The following PLD5 variants were observed in gnomAD, a reference collection of about 807,000 sequenced individuals.
PLD5 encodes phospholipase D family member 5.
Under a neutral mutation model 61.1 loss-of-function variants are expected in PLD5, and 36 were observed. The observed-to-expected ratio is 0.59, with a 90% CI of 0.45 to 0.78. The LOEUF (loss-of-function observed/expected upper bound fraction) is 0.78. Among genes scored for constraint, PLD5 ranks in the 30% least tolerant of loss-of-function variants. The probability of loss-of-function intolerance (pLI) is 0.00; values close to 1 mark genes in which losing one functional copy is unlikely to be tolerated. For missense variants in PLD5, 515 were observed against 644.4 expected, an observed-to-expected ratio of 0.80 and a Z score of 2.17; for synonymous variants, 243 against 242.8, an observed-to-expected ratio of 1.00 and a Z score of -0.01.
At chr1:242,225,392 G>A (rs779900611) in intron 4 of PLD5, among the ~76,000 whole-genome samples, 27 of 151,318 alleles carry the variant, frequency 1.8e-4, no homozygotes, top group Non-Finnish European at 3.2e-4. Flanking sequence ...CACACATAAC[G>A]CACGTGAGAC....
At position 242,315,605 on chromosome 1, in the gene PLD5, A is replaced by C. The variant is rs556796365; in HGVS notation, c.327-27075T>G. On this transcript the variant is annotated intron_variant, in intron 2 of 9. Transcript: ENST00000536534. ...AGTTCCAGTGGGTATTGAGATCCTC[A>C]AGTCCTCAACGGCAGTTGCCTTGAC... Among the ~76,000 whole-genome samples, 4 of 152,312 alleles carry C rather than the reference A, an allele frequency of 2.6e-5. No homozygotes were observed. The East Asian group carries it at 7.7e-4, about 29-fold the overall frequency.
chr1:242,248,834 C>T (rs316899), intron 4 of PLD5, among the ~76,000 whole-genome samples: 23,527 of 152,150 alleles, frequency 0.15, 2,293 homozygotes, highest in Non-Finnish European at 0.23. Flanking sequence ...AAGATGTTCC[C>T]TCCAAAATTC....
chr1:242,351,787 T>C (rs1180851257), intron 1 of PLD5, among the ~76,000 whole-genome samples: 1 of 152,246 alleles, frequency 6.6e-6, no homozygotes, highest in Non-Finnish European at 1.5e-5. Flanking sequence ...TTGGTGATTA[T>C]AAATTTTGTA....
intron 5 of PLD5, among the ~76,000 whole-genome samples, chr1:242,180,148 C>T (rs1412614800): frequency 6.6e-6 from 1 of 152,124 alleles, no homozygotes; most frequent in Admixed American, 6.6e-5. Context: ...CTGGCTGTGT[C>T]ACCGACCAGA....
chr1:242,173,747 A>G (rs1198734402), intron 5 of PLD5, among the ~76,000 whole-genome samples: 1 of 152,166 alleles, frequency 6.6e-6, no homozygotes, highest in Non-Finnish European at 1.5e-5. Context: ...AATACCACAC[A>G]TCTACAACCA....
chr1:242,231,938 G>GA (rs1228667295), intron 4 of PLD5, among the ~76,000 whole-genome samples: 8 of 128,146 alleles, frequency 6.2e-5, no homozygotes, highest in African/African-American at 2.7e-4. Flanking sequence ...TTTAAAATAA[G>GA]GAAAAAAAAA....
chr1:242,450,825 C>T lies in PLD5; in HGVS notation c.189+73263G>A, dbSNP rs117851174. ...CAATATGGCAGGCAAATTAGGTGCC[C>T]ACATGAGAGACATCTGGCCAAGATG... On this transcript the variant is annotated intron_variant, in intron 1 of 9. Transcript: ENST00000536534. Among the ~76,000 whole-genome samples, 153 of 152,220 alleles carry T rather than the reference C, an allele frequency of 1.0e-3. 1 individual carries two copies. In the East Asian group the frequency reaches 0.026, roughly 26 times the overall value.
chr1:242,528,696 C>T (rs148597578), upstream of PLD5, among the ~76,000 whole-genome samples: 5 of 152,218 alleles, frequency 3.3e-5, no homozygotes, highest in South Asian at 2.1e-4. Flanking sequence ...TTCCATCTTT[C>T]GAAAGGAGGA....
intron 4 of PLD5, among the ~76,000 whole-genome samples, chr1:242,247,032 G>C (rs1221397154): frequency 6.7e-6 from 1 of 150,154 alleles, no homozygotes; most frequent in Non-Finnish European, 1.5e-5. Context: ...CGCCCAGGCT[G>C]GAGTGCAGTG....
At chr1:242,350,548 C>T (rs76392283) in intron 1 of PLD5, among the ~76,000 whole-genome samples, 5,725 of 152,158 alleles carry the variant, frequency 0.038, 261 homozygotes, top group African/African-American at 0.1. Flanking sequence ...TCACCAAAGC[C>T]ACATGATTTC....
chr1:242,371,240 C>T (rs1353374097), intron 1 of PLD5, among the ~76,000 whole-genome samples: 1 of 152,098 alleles, frequency 6.6e-6, no homozygotes, highest in African/African-American at 2.4e-5. Flanking sequence ...TAAGAGTGCA[C>T]TGAGAGAGGC....
At chr1:242,265,606 AAG>A (rs1342679501) in intron 3 of PLD5, among the ~76,000 whole-genome samples, 158 bp from the exon 4 acceptor site, 2 of 152,194 alleles carry the variant, frequency 1.3e-5, no homozygotes, top group African/African-American at 4.8e-5. Flanking sequence ...ATTCTTTCAA[AAG>A]AGTTTATATC....
chr1:242,349,301 A>G (rs568906709), intron 1 of PLD5, among the ~76,000 whole-genome samples: 47 of 152,298 alleles, frequency 3.1e-4, no homozygotes, highest in African/African-American at 1.1e-3. Context: ...CAGAGAGAAT[A>G]GATTGTAAAT....
chr1:242,402,707 C>T (rs967981893), intron 1 of PLD5, among the ~76,000 whole-genome samples: 14 of 152,176 alleles, frequency 9.2e-5, no homozygotes, highest in African/African-American at 2.4e-4. Flanking sequence ...TGTCCAAATG[C>T]ATTTTTCCTT....
rs571812404 is a variant in PLD5, at chr1:242,279,295, G to A, written c.495+9067C>T. Among the ~76,000 whole-genome samples the A allele has an allele frequency of 2.6e-5, 4 of 152,308 alleles. No individual in the cohort carries two copies. The South Asian group carries it at 6.2e-4, about 24-fold the overall frequency. On this transcript the variant is annotated intron_variant, in intron 3 of 9. Coordinates refer to ENST00000536534, the MANE Select transcript of PLD5 (RefSeq NM_001372062.1). ...AGTTGAACAATGTTTATTAGACCGGGATGGTTTAAAACAGTGATTCTCAAT... is the reference window on the plus strand; with the variant it reads ...AGTTGAACAATGTTTATTAGACCGGAATGGTTTAAAACAGTGATTCTCAAT...
Position 242,356,857 on chromosome 1 carries a change from TTAACATTTTATAATATA to T in PLD5, c.190-8632_190-8616del, listed in dbSNP as rs1660780328. On this transcript the variant is annotated intron_variant, in intron 1 of 9. Transcript: ENST00000536534. ...AAATTTTATGCTTTTGATGTCCAAA[TTAACATTTTATAATATA>T]TATCTCCTGACAATTTATTTTAGCT... 2.0e-5 allele frequency among the ~76,000 whole-genome samples: 3 copies of T among 152,256 alleles called. No individual in the cohort carries two copies. In the South Asian group the frequency reaches 6.2e-4, roughly 32 times the overall value.
At chr1:242,461,246 C>T (rs139630084) in intron 1 of PLD5, among the ~76,000 whole-genome samples, 2 of 152,310 alleles carry the variant, frequency 1.3e-5, no homozygotes, top group Non-Finnish European at 2.9e-5. Flanking sequence ...CAGGGAACAT[C>T]CCATTTTCTT....
intron 1 of PLD5, among the ~76,000 whole-genome samples, chr1:242,385,030 C>T (rs1210503596): frequency 6.6e-6 from 1 of 152,198 alleles, no homozygotes; most frequent in Non-Finnish European, 1.5e-5. Context: ...AAGCTATCAA[C>T]AACCACTGGA....
intron 4 of PLD5, among the ~76,000 whole-genome samples, chr1:242,252,734 C>T (rs1490192418): frequency 5.9e-5 from 9 of 151,854 alleles, no homozygotes; most frequent in South Asian, 2.1e-4. Context: ...AAATGCTGAC[C>T]GTGGGATCCC....
Sources: gnomAD v4.1 joint callset for allele counts (sites outside exome capture counted in the v4.1 genomes callset) on GRCh38, gnomAD v4.1.1 for gene constraint, MANE v1.5 for transcripts, NCBI Gene and HGNC (gene_info 2026-07-23, HGNC 2026-07-21) for gene names.